PTPN4: variants seen among roughly 807,000 people sequenced by gnomAD.
PTPN4 encodes protein tyrosine phosphatase non-receptor type 4.
PTPN4 carries 49 observed loss-of-function variants against 135.5 expected under a neutral mutation model. That is an observed-to-expected ratio of 0.36 (90% CI 0.29 to 0.46). The LOEUF (loss-of-function observed/expected upper bound fraction) is 0.46. PTPN4 is among the 20% of genes least tolerant of loss of function. The pLI is 1.00. For synonymous variants in PTPN4, 333 were observed against 369.9 expected, an observed-to-expected ratio of 0.90 and a Z score of 1.14; for missense variants, 860 against 1,101.0, an observed-to-expected ratio of 0.78 and a Z score of 3.10.
chr2:119,887,440 T>G (rs1040637610), intron 9 of PTPN4, among the ~76,000 whole-genome samples: 2 of 152,194 alleles, frequency 1.3e-5, no homozygotes, highest in Non-Finnish European at 2.9e-5. Flanking sequence ...TAAGCTATGA[T>G]CATGCCACTT....
intron 20 of PTPN4, 81 bp from the exon 21 acceptor site, chr2:119,956,763 A>G: frequency 6.4e-7 from 1 of 1,568,534 alleles, no homozygotes. Flanking sequence ...GTTTCCTGTT[A>G]GTGTAGAAAC....
intron 3 of PTPN4, among the ~76,000 whole-genome samples, chr2:119,867,275 T>A (rs1677846468): frequency 6.6e-6 from 1 of 152,122 alleles, no homozygotes; most frequent in Non-Finnish European, 1.5e-5. Flanking sequence ...AGCCAGCAAC[T>A]AATAGACAGT....
intron 10 of PTPN4, among the ~76,000 whole-genome samples, chr2:119,901,466 T>G (rs896790611): frequency 5.9e-5 from 9 of 152,238 alleles, no homozygotes; most frequent in Non-Finnish European, 1.3e-4. Flanking sequence ...CTACGGTTTG[T>G]ACACAAACAT....
At chr2:119,972,287 G>A (rs1679548429) in intron 26 of PTPN4, among the ~76,000 whole-genome samples, 1 of 152,100 alleles carries the variant, frequency 6.6e-6, no homozygotes, top group African/African-American at 2.4e-5. Flanking sequence ...ATGAACACAG[G>A]ATGGTCTTTC....
intron 10 of PTPN4, among the ~76,000 whole-genome samples, chr2:119,909,503 C>G (rs1437117514): frequency 6.6e-6 from 1 of 152,174 alleles, no homozygotes; most frequent in African/African-American, 2.4e-5. Context: ...CACCTTGCCA[C>G]CCATGAGCTC....
At chr2:119,968,734 G>C (rs1050257544) in intron 26 of PTPN4, among the ~76,000 whole-genome samples, 1 of 152,154 alleles carries the variant, frequency 6.6e-6, no homozygotes, top group Non-Finnish European at 1.5e-5. Context: ...GGAGCTTGCA[G>C]TGAGCCGAGA....
At chr2:119,882,814 C>T (rs1194181537) in intron 8 of PTPN4, among the ~76,000 whole-genome samples, 191 bp downstream of exon 8, 1 of 152,034 alleles carries the variant, frequency 6.6e-6, no homozygotes, top group Non-Finnish European at 1.5e-5. Context: ...AGCTCATTTT[C>T]ATTTCTATTC....
intron 12 of PTPN4, 25 bp from the exon 13 acceptor site, chr2:119,926,573 T>TG (rs763676490): frequency 2.7e-6 from 4 of 1,502,120 alleles, no homozygotes; most frequent in Non-Finnish European, 2.7e-6. Context: ...AAGACTTTAT[T>TG]GTTGTGCATA....
At chr2:119,799,095 G>T (rs913849938) in intron 1 of PTPN4, among the ~76,000 whole-genome samples, 1 of 152,188 alleles carries the variant, frequency 6.6e-6, no homozygotes, top group Non-Finnish European at 1.5e-5. Flanking sequence ...GTTATGGCAG[G>T]TGAAGTTGTT....
intron 1 of PTPN4, among the ~76,000 whole-genome samples, chr2:119,798,796 C>T (rs147825514): frequency 3.4e-4 from 52 of 152,310 alleles, no homozygotes; most frequent in African/African-American, 1.3e-3. Context: ...TCCAAATATA[C>T]TGTTTTATTA....
At chr2:119,797,550 C>T (rs1225978849) in intron 1 of PTPN4, among the ~76,000 whole-genome samples, 2 of 152,116 alleles carry the variant, frequency 1.3e-5, no homozygotes, top group African/African-American at 4.8e-5. Context: ...TGTAGATGTC[C>T]TTTATCAGGT....
intron 3 of PTPN4, among the ~76,000 whole-genome samples, chr2:119,869,703 T>G (rs995214070): frequency 6.6e-6 from 1 of 152,218 alleles, no homozygotes; most frequent in Admixed American, 6.5e-5. Context: ...TTTTTGTTTT[T>G]CAAGAGTAGA....
chr2:119,826,145 C>T (rs904031883), intron 2 of PTPN4, among the ~76,000 whole-genome samples: 2 of 152,124 alleles, frequency 1.3e-5, no homozygotes, highest in East Asian at 1.9e-4. Flanking sequence ...CAGAGAAACA[C>T]AGTTGGGAGA....
At chr2:119,801,673 T>C (rs1284686511) in intron 1 of PTPN4, among the ~76,000 whole-genome samples, 1 of 152,150 alleles carries the variant, frequency 6.6e-6, no homozygotes, top group South Asian at 2.1e-4. Context: ...TTGCAAATTA[T>C]ACTGTATTTT....
At position 119,877,377 on chromosome 2, in the gene PTPN4, T is replaced by G. The variant is rs749097372; in HGVS notation, c.289+12T>G. ...GAAGCAGCTAAAGAGTGAGCATACATATTTACTTAATGTTTTGCAAGTTTA... is the reference window on the plus strand; with the variant it reads ...GAAGCAGCTAAAGAGTGAGCATACAGATTTACTTAATGTTTTGCAAGTTTA... On this transcript the variant is annotated intron_variant, in intron 4 of 26. Coordinates refer to ENST00000263708, the MANE Select transcript of PTPN4 (RefSeq NM_002830.4). The G allele has an allele frequency of 1.2e-6, 2 of 1,611,800 alleles. No individual in the cohort carries two copies. Among genetic ancestry groups the G allele is most frequent in the South Asian group, 2.2e-5 (2 of 90,320 alleles).
intron 3 of PTPN4, among the ~76,000 whole-genome samples, chr2:119,871,458 C>T (rs550451468): frequency 2.6e-5 from 4 of 151,964 alleles, no homozygotes; most frequent in Admixed American, 6.6e-5. Context: ...TCCCAGCTAC[C>T]GGGGAGGCTG....
intron 24 of PTPN4, 31 bp downstream of exon 24, chr2:119,962,775 C>A (rs774869678): frequency 2.7e-6 from 4 of 1,482,438 alleles, no homozygotes; most frequent in South Asian, 1.4e-5. Flanking sequence ...TTCATTAGAA[C>A]TGTTGTGTTC....
chr2:119,934,220 T>C (rs181723329), intron 14 of PTPN4, among the ~76,000 whole-genome samples: 1 of 152,320 alleles, frequency 6.6e-6, no homozygotes, highest in Non-Finnish European at 1.5e-5. Context: ...TTTTCTCATC[T>C]ACAAAATTAT....
chr2:119,815,498 C>T (rs1197983322), intron 2 of PTPN4, among the ~76,000 whole-genome samples: 1 of 152,132 alleles, frequency 6.6e-6, no homozygotes, highest in African/African-American at 2.4e-5. Context: ...ACGTTTTCAT[C>T]CATGTATTGG....
Sources: allele counts gnomAD v4.1 joint callset (sites outside exome capture counted in the v4.1 genomes callset), GRCh38; gene constraint gnomAD v4.1.1; transcripts MANE v1.5; gene names NCBI Gene and HGNC (gene_info 2026-07-23, HGNC 2026-07-21).